Variants in PRKCH observed in about 807,000 individuals in gnomAD.
PRKCH encodes the protein protein kinase C eta type.
A neutral mutation model predicts 82.5 loss-of-function variants in PRKCH; 28 were observed. The ratio of observed to expected loss-of-function variants is 0.34; its 90% CI spans 0.25 to 0.47. PRKCH has a LOEUF of 0.47. Among genes scored for constraint, PRKCH ranks in the 20% least tolerant of loss-of-function variants. The pLI, the probability that PRKCH is intolerant of heterozygous loss-of-function variation, is 1.00. For synonymous variants in PRKCH, 322 were observed against 327.4 expected (o/e 0.98, Z 0.18); for missense variants, 705 against 881.8 (o/e 0.80, Z 2.54).
intron 10 of PRKCH, among the ~76,000 whole-genome samples, chr14:61,511,634 C>T (rs995617238): frequency 1.1e-4 from 17 of 152,230 alleles, no homozygotes; most frequent in African/African-American, 3.9e-4. Flanking sequence ...CCGATGTGTG[C>T]CAATAAGATG....
At chr14:61,349,296 G>A (rs573602508) in intron 1 of PRKCH, among the ~76,000 whole-genome samples, 10 of 152,192 alleles carry the variant, frequency 6.6e-5, no homozygotes, top group African/African-American at 2.4e-4. Flanking sequence ...CACATTTATT[G>A]AGTACCTACT....
At chr14:61,193,441 T>C (rs2044420328) in intron 1 of PRKCH, among the ~76,000 whole-genome samples, 1 of 152,180 alleles carries the variant, frequency 6.6e-6, no homozygotes, top group African/African-American at 2.4e-5. Flanking sequence ...ATTTTTACTT[T>C]GCAAATTTCA....
At chr14:61,191,520 A>G (rs1456665885) in intron 1 of PRKCH, among the ~76,000 whole-genome samples, 1 of 152,186 alleles carries the variant, frequency 6.6e-6, no homozygotes, top group Non-Finnish European at 1.5e-5. Context: ...TAAAGATACA[A>G]AAGTTAGCTG....
intron 1 of PRKCH, among the ~76,000 whole-genome samples, chr14:61,246,713 C>A (rs1284865322): frequency 2.0e-5 from 3 of 151,982 alleles, no homozygotes; most frequent in Non-Finnish European, 4.4e-5. Flanking sequence ...CTTTAAATAA[C>A]AACCATGTTG....
Position 61,462,815 on chromosome 14 carries a change from A to G in PRKCH, c.1278+5136A>G, listed in dbSNP as rs377489358. On this transcript the variant is annotated intron_variant, in intron 9 of 13. Coordinates refer to ENST00000332981, the MANE Select transcript of PRKCH (RefSeq NM_006255.5). ...AGCATTTCATTGTGAGGGCCTTTGT[A>G]AAAACAGCACTCTCCTCATGCAGCC... Among the ~76,000 whole-genome samples, 12 of 152,350 alleles carry G rather than the reference A, an allele frequency of 7.9e-5. No individual in the cohort carries two copies. The East Asian group carries it at 1.3e-3, about 17-fold the overall frequency.
At position 61,329,234 on chromosome 14, in the gene PRKCH, C is replaced by CTTTTTTTTTTTTTT. The variant is rs71117812; in HGVS notation, c.363+6777_363+6790dup. ...ACTGCTCTTAGATAAACTCCTGAGT[C>CTTTTTTTTTTTTTT]TTTTTTTTTTTTTTTTTTTTGAGAC... On this transcript the variant is annotated intron_variant, in intron 1 of 13. Transcript: ENST00000332981. 1.5e-3 allele frequency among the ~76,000 whole-genome samples: 93 copies of CTTTTTTTTTTTTTT among 63,468 alleles called. 17 individuals are homozygous for CTTTTTTTTTTTTTT. Among genetic ancestry groups the CTTTTTTTTTTTTTT allele is most frequent in the African/African-American group, 2.4e-3 (36 of 14,774 alleles). 41.6% of individuals were successfully genotyped at this position (63,468 alleles called of 152,430 possible).
chr14:61,343,351 CAAAAAAAAAA>C lies in PRKCH; in HGVS notation c.363+20902_363+20911del, dbSNP rs57154047. Reference sequence around the variant, plus strand: ...TTAGAGAAATAATGACCAGTTCCCTCAAAAAAAAAAAAAAAAAAAAAAAAGGAAAAACAGA... The same window carrying C: ...TTAGAGAAATAATGACCAGTTCCCTCAAAAAAAAAAAAAAGGAAAAACAGA... On this transcript the variant is annotated intron_variant, in intron 1 of 13. Transcript: ENST00000332981. 8.0e-5 allele frequency among the ~76,000 whole-genome samples: 7 copies of C among 87,350 alleles called. No individual in the cohort carries two copies. The East Asian group carries it at 1.4e-3, about 17-fold the overall frequency. The allele number at this position is 87,350 out of a possible 152,430, so 57.3% of individuals were successfully genotyped here. A position where few individuals can be genotyped will look rare whatever the true frequency, so the allele number is the denominator to read the frequency against.
rs763126442 is a variant in PRKCH at position 61,280,097 on chromosome 14, C to G, written c.-19+92429C>G. The G allele has an allele frequency of 1.9e-6, 3 of 1,607,510 alleles. No homozygotes were observed. The highest frequency in any genetic ancestry group is 2.5e-6 in the Non-Finnish European group (3 of 1,176,766). On this transcript the variant is annotated intron_variant, in intron 1 of 3. Transcript: ENST00000555185. This position sits in a 1 kb window ranked among gnomAD's most constrained non-coding sequence, Gnocchi z 5.0. ...GGATCCCTGGAAAGCCGGAATCACTCCTCGTCGTCGTCGTCCTGGTCCTGG... is the reference window on the plus strand; with the variant it reads ...GGATCCCTGGAAAGCCGGAATCACTGCTCGTCGTCGTCGTCCTGGTCCTGG...
intron 2 of PRKCH, among the ~76,000 whole-genome samples, chr14:61,418,829 T>C (rs1458595581): frequency 6.6e-6 from 1 of 152,196 alleles, no homozygotes; most frequent in Admixed American, 6.5e-5. Flanking sequence ...TAAATTCCCA[T>C]TGTGGTTTCA....
intron 2 of PRKCH, among the ~76,000 whole-genome samples, chr14:61,428,269 G>A (rs1037998953): frequency 6.6e-6 from 1 of 152,026 alleles, no homozygotes; most frequent in Non-Finnish European, 1.5e-5. Context: ...AAAGTGCTGG[G>A]ATTATAGGTG....
chr14:61,412,043 G>A (rs1444470520), intron 2 of PRKCH, among the ~76,000 whole-genome samples: 1 of 152,140 alleles, frequency 6.6e-6, no homozygotes, highest in Non-Finnish European at 1.5e-5. Flanking sequence ...ATCTGATAGG[G>A]CCGAACTATT....
chr14:61,491,933 A>T (rs753809401), intron 10 of PRKCH, among the ~76,000 whole-genome samples: 15 of 152,236 alleles, frequency 9.9e-5, no homozygotes, highest in African/African-American at 3.1e-4. Flanking sequence ...GAGGAGAAAT[A>T]CAATGCAGTG....
At chr14:61,203,299 G>A (rs2044496773) in intron 1 of PRKCH, among the ~76,000 whole-genome samples, 1 of 152,114 alleles carries the variant, frequency 6.6e-6, no homozygotes. Context: ...AAGCTAAAGA[G>A]TGAAACCAGA....
intron 9 of PRKCH, among the ~76,000 whole-genome samples, chr14:61,458,894 A>G (rs971022435): frequency 6.6e-6 from 1 of 152,170 alleles, no homozygotes; most frequent in African/African-American, 2.4e-5. Flanking sequence ...CTTCCCCAAC[A>G]TTAGAGATTC....
chr14:61,280,171 G>T lies in PRKCH; in HGVS notation c.-19+92503G>T, dbSNP rs1343775790. The T allele has an allele frequency of 1.2e-6, 2 of 1,614,150 alleles. No homozygotes were observed. The highest frequency in any genetic ancestry group is 1.7e-5 in the Admixed American group (1 of 60,026). On this transcript the variant is annotated intron_variant, in intron 1 of 3. Transcript: ENST00000555185. The surrounding 1 kb of genome is among the most constrained non-coding windows in gnomAD (Gnocchi z 5.0). ...GACAAAGCCGGTGAGGATGCAGAGG[G>T]AGCCGACGACCAGGTAGGCGATGCC...
At chr14:61,285,551 A>G (rs1170061494) in intron 1 of PRKCH, among the ~76,000 whole-genome samples, 2 of 152,188 alleles carry the variant, frequency 1.3e-5, no homozygotes, top group African/African-American at 4.8e-5. Context: ...CTTCCTTACA[A>G]TGACTCATTG....
At chr14:61,266,200 T>C (rs1180403693) in intron 1 of PRKCH, among the ~76,000 whole-genome samples, 1 of 152,074 alleles carries the variant, frequency 6.6e-6, no homozygotes, top group Non-Finnish European at 1.5e-5. Flanking sequence ...GGTGGATCAC[T>C]TGAGGTCAGG....
rs544831986 is a variant in PRKCH, at chr14:61,441,795, G to A, written c.428-1316G>A. ...AATTGCAAATCTGTGAACTTTGGAT[G>A]CCTTTAGAGTTTATTATCCCTTTAA... On this transcript the variant is annotated intron_variant, in intron 2 of 13. Transcript: ENST00000332981. Among the ~76,000 whole-genome samples the A allele has an allele frequency of 3.4e-5, 5 of 145,272 alleles. No homozygotes were observed. The South Asian group carries it at 1.1e-3, about 32-fold the overall frequency.
At chr14:61,302,902 T>C (rs559315673) in intron 1 of PRKCH, 9 of 152,228 alleles carry the variant, frequency 5.9e-5, no homozygotes, top group Admixed American at 2.6e-4. Flanking sequence ...AGTTGGTTGA[T>C]AGTGTTCAAA....
Sources: gnomAD v4.1 joint callset for allele counts (sites outside exome capture counted in the v4.1 genomes callset) on GRCh38, gnomAD v4.1.1 for gene constraint, Gnocchi (gnomAD v3.1) non-coding constraint, MANE v1.5 for transcripts, NCBI Gene and HGNC (gene_info 2026-07-23, HGNC 2026-07-21) for gene names.